Variants in MUC5B observed in about 807,000 individuals in gnomAD.
MUC5B encodes mucin 5B, oligomeric mucus/gel-forming, also known as mucin-5B.
MUC5B carries 116 observed loss-of-function variants against 376.9 expected under a neutral mutation model. That is an observed-to-expected ratio of 0.31 (90% CI 0.26 to 0.36). The LOEUF is 0.36. MUC5B is among the 10% of genes least tolerant of loss of function. MUC5B has a pLI of 1.00. For missense variants in MUC5B, 7,165 were observed against 7,769.9 expected, an observed-to-expected ratio of 0.92 and a Z score of 2.93; for synonymous variants, 3,517 against 3,390.9, an observed-to-expected ratio of 1.04 and a Z score of -1.29.
Position 1,242,760 on chromosome 11 carries a change from G to A in MUC5B, c.5880G>A (p.Gly1960=), listed in dbSNP as rs1442995200. 9 of 1,612,044 alleles carry A rather than the reference G, an allele frequency of 5.6e-6. No individual in the cohort carries two copies. The Admixed American group carries it at 6.7e-5, about 12-fold the overall frequency. Residue 1960 remains glycine (G), a synonymous_variant, in exon 31 of 49, where the codon GGG becomes GGA. Coordinates refer to ENST00000529681, the MANE Select transcript of MUC5B (RefSeq NM_002458.3). ...SSKATPSSSP[G]TATALPALRS... ...AAGCCACTCCCTCCTCCAGTCCAGG[G>A]ACTGCAACCGCCCTTCCAGCACTGA...
At chr11:1,226,363 C>G (rs939543457) in intron 3 of MUC5B, 87 bp downstream of exon 3, 13 of 1,473,858 alleles carry the variant, frequency 8.8e-6, no homozygotes, top group Non-Finnish European at 1.2e-5. Flanking sequence ...GCAGCTGCCA[C>G]CAGGTGGGGC....
intron 11 of MUC5B, 119 bp downstream of exon 11, chr11:1,230,262 G>T (rs888868024): frequency 1.4e-6 from 2 of 1,390,414 alleles, no homozygotes; most frequent in African/African-American, 2.9e-5. Flanking sequence ...GCTGAGGGGG[G>T]AGCCCTGGGT....
intron 1 of MUC5B, among the ~76,000 whole-genome samples, chr11:1,224,155 C>T (rs1861825993): frequency 6.6e-6 from 1 of 152,248 alleles, no homozygotes; most frequent in African/African-American, 2.4e-5. Flanking sequence ...CCTTGGCTCC[C>T]CTCACCTGAG....
Position 1,259,004 on chromosome 11 carries a change from C to T in MUC5B, c.16656C>T (p.Thr5552=), listed in dbSNP as rs754710361. 4 of 1,561,026 alleles carry T rather than the reference C, an allele frequency of 2.6e-6. No individual in the cohort carries two copies. The highest frequency in any genetic ancestry group is 1.4e-5 in the African/African-American group (1 of 73,406). Residue 5552 remains threonine (T), a synonymous_variant, in exon 44 of 49, where the codon ACC becomes ACT. Coordinates refer to ENST00000529681, the MANE Select transcript of MUC5B (RefSeq NM_002458.3). ...CHMCTCLSGD[T]QDPTVQCQED... ...TGTGTACCTGCCTCTCTGGGGACACCCAGGACCCAACGGTGCAATGTCAGG... is the reference window on the plus strand; with the variant it reads ...TGTGTACCTGCCTCTCTGGGGACACTCAGGACCCAACGGTGCAATGTCAGG...
chr11:1,227,472 G>A (rs572378718), intron 6 of MUC5B, 74 bp downstream of exon 6: 13 of 1,227,962 alleles, frequency 1.1e-5, no homozygotes, highest in Admixed American at 2.0e-5. Flanking sequence ...CGGGGAGGCC[G>A]GGAGGGGGCG....
intron 25 of MUC5B, 33 bp downstream of exon 25, chr11:1,237,197 T>A (rs1311384747): frequency 2.9e-6 from 4 of 1,381,032 alleles, no homozygotes; most frequent in Non-Finnish European, 3.7e-6. Flanking sequence ...CAGGGTCTGG[T>A]GGGGATGGCA....
At position 1,247,407 on chromosome 11, in the gene MUC5B, G is replaced by A. The variant is rs2943525; in HGVS notation, c.10527G>A (p.Leu3509=). ...CCACCCAGCACTCGACTCCAGCCCTGTCCAGCCCTCACCCTAGCAGCAGGA... is the reference window on the plus strand; with the variant it reads ...CCACCCAGCACTCGACTCCAGCCCTATCCAGCCCTCACCCTAGCAGCAGGA... The part of the protein sequence containing the change: ...TSTTQHSTPA[L]SSPHPSSRTT... The change falls in exon 31 of 49, where the codon CTG becomes CTA. Residue 3509 remains leucine (L), a synonymous_variant. Transcript: ENST00000529681. 20 of 1,581,566 alleles carry A rather than the reference G, an allele frequency of 1.3e-5. No homozygotes were observed. Among genetic ancestry groups the A allele is most frequent in the Non-Finnish European group, 1.7e-5 (20 of 1,162,116 alleles).
At position 1,255,513 on chromosome 11, in the gene MUC5B, C is replaced by T. The variant is rs1862817500; in HGVS notation, c.16021C>T (p.Arg5341Trp). The change falls in exon 37 of 49, where the codon CGG (arginine) becomes TGG (tryptophan). Residue 5341 changes from arginine to tryptophan, a missense_variant. Around this residue, in one of 31 missense-constraint regions of MUC5B, gnomAD observed 842 missense variants for 1,016.9 expected, o/e 0.83. Transcript: ENST00000529681. ...GGCTTACGCAGAGCTCTGCCGCGCC[C>T]GGGGAGTGTGCAGTGACTGGCGAGG... ...LEAYAELCRA[R>W]GVCSDWRGAT... 8 of 1,550,544 alleles carry T rather than the reference C, an allele frequency of 5.2e-6. No homozygotes were observed. The highest frequency in any genetic ancestry group is 1.9e-5 in the Admixed American group (1 of 51,494).
rs553885880 is a variant in MUC5B, at chr11:1,247,500, A to G, written c.10620A>G (p.Thr3540=). 9.8e-5 allele frequency: 158 copies of G among 1,606,582 alleles called. 5 individuals are homozygous for G. Among genetic ancestry groups the G allele is most frequent in the African/African-American group, 4.5e-4 (33 of 73,216 alleles). Residue 3540 remains threonine (T), a synonymous_variant, in exon 31 of 49, where the codon ACA becomes ACG. Coordinates refer to ENST00000529681, the MANE Select transcript of MUC5B (RefSeq NM_002458.3). ...PGHTRGTSRT[T]ATATPSKTRT... ...ACACCAGGGGCACCTCCAGGACCACAGCCACAGCCACACCCAGCAAGACCC... is the reference window on the plus strand; with the variant it reads ...ACACCAGGGGCACCTCCAGGACCACGGCCACAGCCACACCCAGCAAGACCC...
chr11:1,250,539 C>G lies in MUC5B; in HGVS notation c.13659C>G (p.Ser4553=). 1 of 1,613,192 alleles carries G rather than the reference C, an allele frequency of 6.2e-7. No homozygotes were observed. The highest frequency in any genetic ancestry group is 1.7e-5 in the Admixed American group (1 of 60,006). ...CCACCATGTCCACAGCCACACCCTC[C>G]TCCACTCCAGAGACTGTCCACACCT... ...PTATMSTATP[S]STPETVHTST... is the part of the protein sequence containing the mutation. Residue 4553 remains serine (S), a synonymous_variant, in exon 31 of 49, where the codon TCC becomes TCG. Coordinates refer to ENST00000529681, the MANE Select transcript of MUC5B (RefSeq NM_002458.3).
At chr11:1,260,484 G>A in intron 47 of MUC5B, 91 bp downstream of exon 47, 7 of 1,521,302 alleles carry the variant, frequency 4.6e-6, no homozygotes, top group South Asian at 1.1e-5. Context: ...CTAGGCAGCA[G>A]TGGGATGCCC....
At chr11:1,236,229 G>C (rs2735727) in intron 23 of MUC5B, 157 bp from the exon 24 acceptor site, 5 of 637,798 alleles carry the variant, frequency 7.8e-6, no homozygotes, top group Non-Finnish European at 1.3e-5. Context: ...CCAAACCTTC[G>C]CTGAGGGTCT....
chr11:1,234,427 T>A lies in MUC5B; in HGVS notation c.2479-102T>A, dbSNP rs1862109875. 6.7e-7 allele frequency: 1 copy of A among 1,501,274 alleles called. No homozygotes were observed. The highest frequency in any genetic ancestry group is 1.4e-5 in the African/African-American group (1 of 72,242). 93.0% of individuals were successfully genotyped at this position (1,501,274 alleles called of 1,614,324 possible). A position where few individuals can be genotyped will look rare whatever the true frequency, so the allele number is the denominator to read the frequency against. On this transcript the variant is annotated intron_variant, in intron 20 of 48. Transcript: ENST00000529681. The surrounding 1 kb of genome is among the most constrained non-coding windows in gnomAD (Gnocchi z 6.3). Reference sequence around the variant, plus strand: ...CACCTGGAAGCTCCGCCCTGGCCCATGCGTTGCCCTGGGTGCTGCTGGGTG... The same window carrying A: ...CACCTGGAAGCTCCGCCCTGGCCCAAGCGTTGCCCTGGGTGCTGCTGGGTG...
Position 1,242,079 on chromosome 11 carries a change from C to A in MUC5B, c.5199C>A (p.Ala1733=). 1.2e-6 allele frequency: 2 copies of A among 1,609,796 alleles called. No individual in the cohort carries two copies. The highest frequency in any genetic ancestry group is 1.7e-6 in the Non-Finnish European group (2 of 1,178,404). Residue 1733 remains alanine, a synonymous_variant, in exon 31 of 49, where the codon GCC becomes GCA. Coordinates refer to ENST00000529681, the MANE Select transcript of MUC5B (RefSeq NM_002458.3). The stretch of plus-strand genomic sequence containing the variant: ...CCAGAGCTCGCCCGACAGGCACAGC[C>A]AGCACCGCTTCCAAAGAGCCGCTGA... ...ATSRARPTGT[A]STASKEPLTT...
rs756213727 is a variant in MUC5B, at chr11:1,234,594, C to T, written c.2544C>T (p.Gly848=). The change falls in exon 21 of 49, where the codon GGC becomes GGT. Residue 848 remains glycine (G), a synonymous_variant. Coordinates refer to ENST00000529681, the MANE Select transcript of MUC5B (RefSeq NM_002458.3). This position sits in a 1 kb window ranked among gnomAD's most constrained non-coding sequence, Gnocchi z 6.3. Reference sequence around the variant, plus strand: ...GGCTGGTGTCGGATGGGAGTGGGGGCTGCATTGCCGAGGAGGACTGCCCCT... The same window carrying T: ...GGCTGGTGTCGGATGGGAGTGGGGGTTGCATTGCCGAGGAGGACTGCCCCT... ...PPGLVSDGSG[G]CIAEEDCPCV... The T allele has an allele frequency of 6.4e-7, 1 of 1,573,602 alleles. No individual in the cohort carries two copies. Among genetic ancestry groups the T allele is most frequent in the South Asian group, 1.2e-5 (1 of 85,550 alleles).
chr11:1,224,805 C>G (rs2133802375), intron 1 of MUC5B, among the ~76,000 whole-genome samples: 1 of 152,262 alleles, frequency 6.6e-6, no homozygotes, highest in South Asian at 2.1e-4. Flanking sequence ...CAGGGCCAGG[C>G]CAGAGTGCGA....
rs769629063 is a variant in MUC5B, at chr11:1,246,162, C to G, written c.9282C>G (p.Ile3094Met). 1.2e-6 allele frequency: 2 copies of G among 1,613,140 alleles called. No homozygotes were observed. Among genetic ancestry groups the G allele is most frequent in the South Asian group, 2.2e-5 (2 of 91,022 alleles). The stretch of plus-strand genomic sequence containing the variant: ...CACCCATGGCCACCATGTCCACAAT[C>G]CACCCCTCCTCCACTCCGGAGACCA... ...TTTPMATMST[I>M]HPSSTPETTH... The change falls in exon 31 of 49, where the codon ATC becomes ATG. Residue 3094 changes from isoleucine to methionine, a missense_variant. Coordinates refer to ENST00000529681, the MANE Select transcript of MUC5B (RefSeq NM_002458.3).
In MUC5B at chr11:1,261,551, G is replaced by A. The variant is rs368980861; in HGVS notation, c.17232G>A (p.Ala5744=). 127 of 1,608,680 alleles carry A rather than the reference G, an allele frequency of 7.9e-5. No individual in the cohort carries two copies. The African/African-American group carries it at 8.7e-4, about 11-fold the overall frequency. ...GCTGCACGCCCTTCTGTGTCCCTGC[G>A]CCCATGGCTCCCCCACACACCCGTG... is the stretch of plus-strand genomic sequence containing the variant. ...ECGCTPFCVP[A]PMAPPHTRGF... is the part of the protein sequence containing the mutation. Residue 5744 remains alanine (A), a synonymous_variant, in exon 49 of 49, where the codon GCG becomes GCA. Transcript: ENST00000529681.
Position 1,247,271 on chromosome 11 carries a change from C to A in MUC5B, c.10391C>A (p.Pro3464His). Residue 3464 changes from proline to histidine, a missense_variant, in exon 31 of 49, where the codon CCC becomes CAC. By Grantham distance (77) the Pro-to-His change is moderately conservative. Coordinates refer to ENST00000529681, the MANE Select transcript of MUC5B (RefSeq NM_002458.3). Reference protein sequence around the residue: ...THGRSLPPSSPHTVRTAWTSA... With the variant: ...THGRSLPPSSHHTVRTAWTSA... ...GGGCGGTCCCTGCCCCCCAGCAGTC[C>A]CCACACGGTGCGCACAGCCTGGACT... 6.2e-7 allele frequency: 1 copy of A among 1,612,158 alleles called. No individual in the cohort carries two copies. Among genetic ancestry groups the A allele is most frequent in the South Asian group, 1.1e-5 (1 of 90,998 alleles).
Sources: allele counts gnomAD v4.1 joint callset (sites outside exome capture counted in the v4.1 genomes callset), GRCh38; gene constraint gnomAD v4.1.1; regional missense constraint gnomAD v4.1.1; non-coding constraint Gnocchi (gnomAD v3.1); transcripts MANE v1.5; gene names NCBI Gene and HGNC (gene_info 2026-07-23, HGNC 2026-07-21).